Variants in ZFHX3 observed in about 807,000 individuals in gnomAD.
The protein encoded by ZFHX3 is zinc finger homeobox protein 3.
In ZFHX3, 42 loss-of-function variants were observed where a neutral mutation model predicts 279.1. The observed-to-expected ratio is 0.15, with a 90% CI of 0.12 to 0.19. The LOEUF (loss-of-function observed/expected upper bound fraction) is 0.19, where lower values mean the gene tolerates loss of function less well. ZFHX3 is among the 10% of genes least tolerant of loss of function. The pLI is 1.00. For synonymous variants in ZFHX3, 2,293 were observed against 1,957.8 expected (o/e 1.17, Z -4.52); for missense variants, 4,981 against 4,754.0 (o/e 1.05, Z -1.40).
chr16:73,454,668 C>A (rs370087244), intron 3 of ZFHX3, among the ~76,000 whole-genome samples: 39 of 152,000 alleles, frequency 2.6e-4, no homozygotes, highest in African/African-American at 9.2e-4. Context: ...TTACTGCTTC[C>A]TTTTCCCAGT....
upstream of ZFHX3, among the ~76,000 whole-genome samples, chr16:73,052,791 G>A (rs1253492905): frequency 6.6e-6 from 1 of 152,196 alleles, no homozygotes; most frequent in Non-Finnish European, 1.5e-5. Context: ...AATTGTGTGG[G>A]GAAGTCTGCA....
chr16:73,433,343 A>G (rs1015829714), intron 3 of ZFHX3, among the ~76,000 whole-genome samples: 3 of 152,210 alleles, frequency 2.0e-5, no homozygotes, highest in African/African-American at 2.4e-5. Flanking sequence ...GCTGTGGGGT[A>G]TATGCACGCA....
chr16:72,986,964 G>A (rs1296986943), intron 1 of ZFHX3, among the ~76,000 whole-genome samples: 1 of 152,070 alleles, frequency 6.6e-6, no homozygotes, highest in African/African-American at 2.4e-5. Flanking sequence ...TGGGTAACAC[G>A]ACGAAAACAA....
chr16:73,423,337 AGTCTT>A (rs919319626), intron 3 of ZFHX3, among the ~76,000 whole-genome samples: 10 of 152,150 alleles, frequency 6.6e-5, no homozygotes, highest in Non-Finnish European at 1.3e-4. Context: ...AGAGTGTTGG[AGTCTT>A]GGCTGCAGCT....
intron 5 of ZFHX3, among the ~76,000 whole-genome samples, chr16:73,226,571 G>T (rs1032942474): frequency 2.0e-5 from 3 of 152,204 alleles, no homozygotes; most frequent in Admixed American, 6.5e-5. Flanking sequence ...CATGGGATGT[G>T]AGCTCCCCAA....
chr16:73,476,502 A>T (rs905898140), intron 2 of ZFHX3, among the ~76,000 whole-genome samples: 1 of 152,182 alleles, frequency 6.6e-6, no homozygotes, highest in African/African-American at 2.4e-5. Flanking sequence ...ATTCAACATC[A>T]ACTTCATCAC....
At chr16:73,866,344 A>G (rs145452986) in intron 1 of ZFHX3, among the ~76,000 whole-genome samples, 402 of 151,602 alleles carry the variant, frequency 2.7e-3, no homozygotes, top group Non-Finnish European at 3.9e-3. Flanking sequence ...ATGCCCAGCT[A>G]ATTTTTGTAT....
At chr16:73,063,501 G>C (rs1009945935), upstream of ZFHX3, among the ~76,000 whole-genome samples, 2 of 152,116 alleles carry the variant, frequency 1.3e-5, no homozygotes, top group African/African-American at 4.8e-5. Context: ...TCCATCCAAG[G>C]CTCTGCCCTA....
chr16:73,531,763 C>T (rs1055149499), intron 2 of ZFHX3, among the ~76,000 whole-genome samples: 2 of 144,364 alleles, frequency 1.4e-5, no homozygotes, highest in Non-Finnish European at 3.0e-5. Flanking sequence ...TGGATGTGAA[C>T]TGCAGATTTG....
At chr16:73,710,507 A>C (rs1238590702) in intron 1 of ZFHX3, among the ~76,000 whole-genome samples, 1 of 152,180 alleles carries the variant, frequency 6.6e-6, no homozygotes, top group Non-Finnish European at 1.5e-5. Context: ...TCCACACAGA[A>C]GTCGGGGAGA....
At chr16:73,793,600 G>C (rs1959899131) in intron 1 of ZFHX3, among the ~76,000 whole-genome samples, 1 of 152,182 alleles carries the variant, frequency 6.6e-6, no homozygotes, top group African/African-American at 2.4e-5. Context: ...TGGACTATTT[G>C]ACTGTGTGAT....
At chr16:73,418,897 C>T (rs184302261) in intron 3 of ZFHX3, among the ~76,000 whole-genome samples, 2 of 152,348 alleles carry the variant, frequency 1.3e-5, no homozygotes, top group Admixed American at 1.3e-4. Flanking sequence ...ATAATGACCA[C>T]ATTTGGCTCC....
chr16:73,653,038 AAG>A (rs1256791292), intron 2 of ZFHX3, among the ~76,000 whole-genome samples: 2 of 152,156 alleles, frequency 1.3e-5, no homozygotes, highest in South Asian at 2.1e-4. Flanking sequence ...TAGAAAAAGA[AAG>A]AACGTGAACA....
intron 2 of ZFHX3, among the ~76,000 whole-genome samples, chr16:73,482,158 G>A (rs1283982803): frequency 2.0e-5 from 3 of 152,220 alleles, no homozygotes; most frequent in African/African-American, 7.2e-5. Context: ...AGGGAGTGGA[G>A]ATTGGTGCTG....
At chr16:72,921,443 C>T (rs543321779) in intron 3 of ZFHX3, among the ~76,000 whole-genome samples, 67 of 152,278 alleles carry the variant, frequency 4.4e-4, no homozygotes, top group South Asian at 1.9e-3. Context: ...AGTGGGAAGA[C>T]GGCGCAATGC....
intron 4 of ZFHX3, among the ~76,000 whole-genome samples, chr16:73,298,953 T>A (rs1219530557): frequency 1.3e-5 from 2 of 152,248 alleles, no homozygotes; most frequent in African/African-American, 4.8e-5. Flanking sequence ...CTTAAAGATC[T>A]CAAACAACAC....
intron 2 of ZFHX3, among the ~76,000 whole-genome samples, chr16:73,570,200 C>A (rs1424508457): frequency 6.6e-6 from 1 of 152,054 alleles, no homozygotes. Context: ...CACTGAGTTA[C>A]CCAAAAAAAG....
intron 3 of ZFHX3, among the ~76,000 whole-genome samples, chr16:73,418,996 A>C (rs1257901564): frequency 6.6e-6 from 1 of 152,210 alleles, no homozygotes; most frequent in East Asian, 1.9e-4. Flanking sequence ...AACTGACGTT[A>C]CCAATTTAAG....
chr16:73,427,005 T>C (rs891864033), intron 3 of ZFHX3, among the ~76,000 whole-genome samples: 3 of 152,202 alleles, frequency 2.0e-5, no homozygotes, highest in African/African-American at 4.8e-5. Flanking sequence ...ACCCTGACGA[T>C]GCCATTTTTA....
Sources: gnomAD v4.1 joint callset for allele counts (sites outside exome capture counted in the v4.1 genomes callset) on GRCh38, gnomAD v4.1.1 for gene constraint, MANE v1.5 for transcripts, NCBI Gene and HGNC (gene_info 2026-07-23, HGNC 2026-07-21) for gene names.